Variants in TCF7L2 observed in about 807,000 individuals in gnomAD.
TCF7L2 encodes transcription factor 7-like 2.
A neutral mutation model predicts 77.9 loss-of-function variants in TCF7L2; 23 were observed. The ratio of observed to expected loss-of-function variants is 0.30; its 90% CI spans 0.21 to 0.42. The LOEUF is 0.42. Among genes scored for constraint, TCF7L2 ranks in the 10% least tolerant of loss-of-function variants. The probability of loss-of-function intolerance (pLI) is 1.00; values close to 1 mark genes in which losing one functional copy is unlikely to be tolerated. For missense variants in TCF7L2, 654 were observed against 793.1 expected (o/e 0.82, Z 2.11); for synonymous variants, 413 against 340.2 (o/e 1.21, Z -2.36).
intron 5 of TCF7L2, among the ~76,000 whole-genome samples, chr10:113,109,285 G>A (rs1014749227): frequency 7.2e-5 from 11 of 152,348 alleles, no homozygotes; most frequent in African/African-American, 2.4e-4. Flanking sequence ...TTATCTTGGG[G>A]AAACAATTTT....
chr10:112,951,234 G>C lies in TCF7L2; in HGVS notation c.217G>C (p.Glu73Gln), dbSNP rs1411645399. 3.2e-6 allele frequency: 5 copies of C among 1,576,202 alleles called. No individual in the cohort carries two copies. In the Admixed American group the frequency reaches 5.4e-5, roughly 17 times the overall value. ...GGAAAGACGGCCTCCGCCTCGCTCCGAAAGTTTCCGAGACAAATCCCGGGA... is the reference window on the plus strand; with the variant it reads ...GGAAAGACGGCCTCCGCCTCGCTCCCAAAGTTTCCGAGACAAATCCCGGGA... Residue 73 changes from glutamate (E) to glutamine (Q), a missense_variant, in exon 2 of 14, where the codon GAA becomes CAA. Transcript: ENST00000627217.
chr10:113,003,293 C>A (rs879379045), intron 4 of TCF7L2, among the ~76,000 whole-genome samples: 4 of 152,156 alleles, frequency 2.6e-5, no homozygotes, highest in Admixed American at 2.6e-4. Context: ...CTTTTTGATG[C>A]CTTCTCTTTG....
intron 4 of TCF7L2, among the ~76,000 whole-genome samples, chr10:113,020,126 T>C (rs2048044805): frequency 6.6e-6 from 1 of 152,232 alleles, no homozygotes; most frequent in Admixed American, 6.5e-5. Context: ...GTTGTTTTAA[T>C]TAATGAATCT....
chr10:113,091,792 C>T (rs2060434931), intron 5 of TCF7L2, among the ~76,000 whole-genome samples: 1 of 152,168 alleles, frequency 6.6e-6, no homozygotes, highest in Non-Finnish European at 1.5e-5. Context: ...TGTTCTTGGG[C>T]CACGCCTATG....
chr10:113,099,710 T>C (rs1035436554), intron 5 of TCF7L2, among the ~76,000 whole-genome samples: 7 of 152,216 alleles, frequency 4.6e-5, no homozygotes, highest in African/African-American at 1.4e-4. Flanking sequence ...TGCCGTGCGT[T>C]TTGCTGGGGA....
At chr10:113,130,631 A>T (rs148724926) in intron 5 of TCF7L2, among the ~76,000 whole-genome samples, 2 of 152,294 alleles carry the variant, frequency 1.3e-5, no homozygotes, top group African/African-American at 4.8e-5. Flanking sequence ...AAACCCGAGC[A>T]AGAGCCTGAT....
chr10:113,000,935 C>T (rs2044355204), intron 4 of TCF7L2, among the ~76,000 whole-genome samples: 1 of 152,256 alleles, frequency 6.6e-6, no homozygotes, highest in African/African-American at 2.4e-5. Context: ...CGGCCTTCCA[C>T]TGCAGTCTCT....
Position 112,951,258 on chromosome 10 carries a change from G to C in TCF7L2, c.241G>C (p.Glu81Gln). ...CGAAAGTTTCCGAGACAAATCCCGG[G>C]AAAGTTTGGAAGAAGGTGAGTACGC... The change falls in exon 2 of 14, where the codon GAA (glutamate) becomes CAA (glutamine). Residue 81 changes from glutamate (E) to glutamine (Q), a missense_variant. Glu to Gln is a conservative substitution (Grantham distance 29, BLOSUM62 2). This residue lies in a region of TCF7L2 where 132 missense variants were observed against 123.7 expected (regional missense o/e 1.07). Transcript: ENST00000627217. 6.4e-7 allele frequency: 1 copy of C among 1,558,750 alleles called. No homozygotes were observed. Among genetic ancestry groups the C allele is most frequent in the Non-Finnish European group, 8.7e-7 (1 of 1,154,420 alleles).
intron 11 of TCF7L2, among the ~76,000 whole-genome samples, chr10:113,152,788 G>A (rs143926908): frequency 5.2e-4 from 79 of 152,302 alleles, no homozygotes; most frequent in African/African-American, 1.6e-3. Flanking sequence ...ATTAGGTTCC[G>A]CAGGCTCCTC....
Position 113,166,874 on chromosome 10 carries a change from G to T in TCF7L2, c.*902G>T, listed in dbSNP as rs1565000432. On this transcript the variant is annotated 3_prime_UTR_variant, in exon 14 of 14. Coordinates refer to ENST00000627217, the MANE Select transcript of TCF7L2 (RefSeq NM_001146274.2). ...TGTCACCAAATGGACATTAATAGTT[G>T]CATTAAGGATCAGTAGCATTAACAA... is the stretch of plus-strand genomic sequence containing the variant. 3 of 227,402 alleles carry T rather than the reference G, an allele frequency of 1.3e-5. No homozygotes were observed. Among genetic ancestry groups the T allele is most frequent in the Non-Finnish European group, 2.6e-5 (3 of 114,988 alleles). The allele number at this position is 227,402 out of a possible 1,614,324, so 14.1% of individuals were successfully genotyped here.
At chr10:113,136,071 G>C (rs1329420770) in intron 5 of TCF7L2, among the ~76,000 whole-genome samples, 1 of 152,200 alleles carries the variant, frequency 6.6e-6, no homozygotes, top group African/African-American at 2.4e-5. Flanking sequence ...AGGCTGCAAA[G>C]CTTAGAAACA....
At chr10:113,009,195 G>C (rs993676136) in intron 4 of TCF7L2, among the ~76,000 whole-genome samples, 24 of 152,162 alleles carry the variant, frequency 1.6e-4, no homozygotes, top group African/African-American at 5.5e-4. Context: ...GGGTCCAAGG[G>C]GCCCTCCTGT....
chr10:113,136,945 T>C (rs1484509070), intron 5 of TCF7L2, among the ~76,000 whole-genome samples: 2 of 152,116 alleles, frequency 1.3e-5, no homozygotes, highest in African/African-American at 4.8e-5. Context: ...TGGATTCTTT[T>C]GTGTTTCATT....
chr10:113,160,868 T>G (rs1376903125), intron 13 of TCF7L2, among the ~76,000 whole-genome samples: 3 of 152,204 alleles, frequency 2.0e-5, no homozygotes, highest in Non-Finnish European at 2.9e-5. Context: ...TCTCCCCACT[T>G]TCTCTTTCTC....
chr10:113,040,199 C>G, intron 5 of TCF7L2, 73 bp downstream of exon 5: 2 of 1,309,994 alleles, frequency 1.5e-6, no homozygotes, highest in Non-Finnish European at 2.2e-6. Context: ...TTGATGATAA[C>G]AGGCCTTATT....
intron 4 of TCF7L2, among the ~76,000 whole-genome samples, chr10:112,992,018 T>C (rs1345570771): frequency 1.3e-5 from 2 of 152,170 alleles, no homozygotes; most frequent in Non-Finnish European, 2.9e-5. Flanking sequence ...TTTAGAAGTA[T>C]TTCCAGAGGG....
At chr10:112,998,101 C>CTTT (rs751249543) in intron 4 of TCF7L2, among the ~76,000 whole-genome samples, 1 of 140,108 alleles carries the variant, frequency 7.1e-6, no homozygotes, top group Non-Finnish European at 1.6e-5. Context: ...TCTGGTCCTA[C>CTTT]TTTTTTTTTT....
At position 113,165,951 on chromosome 10, in the gene TCF7L2, C is replaced by G. The variant is rs143411121; in HGVS notation, c.1788C>G (p.Leu596=). ...GGACCCAGCCCCAGCCGCTGTCGCT[C>G]GTCACCAAGTCTTTAGAATAGCTTT... is the stretch of plus-strand genomic sequence containing the variant. The change falls in exon 14 of 14, where the codon CTC becomes CTG. Residue 596 remains leucine, a synonymous_variant. Coordinates refer to ENST00000627217, the MANE Select transcript of TCF7L2 (RefSeq NM_001146274.2). The G allele has an allele frequency of 5.2e-6, 8 of 1,536,292 alleles. No homozygotes were observed. The highest frequency in any genetic ancestry group is 2.3e-5 in the East Asian group (1 of 43,928).
intron 4 of TCF7L2, 106 bp downstream of exon 4, chr10:112,964,730 A>C: frequency 1.3e-6 from 1 of 795,822 alleles, no homozygotes; most frequent in East Asian, 4.6e-5. Flanking sequence ...GATGATGATG[A>C]TGATGATGAT....
Sources: gnomAD v4.1 joint callset for allele counts (sites outside exome capture counted in the v4.1 genomes callset) on GRCh38, gnomAD v4.1.1 for gene constraint, gnomAD v4.1.1 regional missense constraint, MANE v1.5 for transcripts, NCBI Gene and HGNC (gene_info 2026-07-23, HGNC 2026-07-21) for gene names.